METAP1D: variants seen among roughly 807,000 people sequenced by gnomAD.
The protein encoded by METAP1D is methionine aminopeptidase 1D, mitochondrial.
In METAP1D, 31 loss-of-function variants were observed where a neutral mutation model predicts 40.5. The ratio of observed to expected loss-of-function variants is 0.77; its 90% CI spans 0.58 to 1.03. METAP1D has a LOEUF of 1.03. Ranked by LOEUF, METAP1D falls within the 50% of genes least tolerant of loss-of-function variation. The probability of loss-of-function intolerance (pLI) is 0.00; values close to 1 mark genes in which losing one functional copy is unlikely to be tolerated. For missense variants in METAP1D, 411 were observed against 420.7 expected (o/e 0.98, Z 0.20); for synonymous variants, 151 against 146.4 (o/e 1.03, Z -0.22).
intron 1 of METAP1D, among the ~76,000 whole-genome samples, chr2:172,030,078 T>TTTATTTATTTATTTA (rs553826009): frequency 5.8e-4 from 87 of 149,970 alleles, no homozygotes; most frequent in Admixed American, 1.9e-3. Context: ...TTTTATTTTA[T>TTTATTTATTTATTTA]TTTATTTATT....
At position 172,082,269 on chromosome 2, in the gene METAP1D, T is replaced by G. The variant is rs142494000; in HGVS notation, c.*1863T>G. On this transcript the variant is annotated 3_prime_UTR_variant, in exon 10 of 10. Coordinates refer to ENST00000315796, the MANE Select transcript of METAP1D (RefSeq NM_199227.3). ...GCAACCATTAGCATTGTATCTTATC[T>G]GCAAATCAGTTTACTCCGAGGTTCC... 1 of 152,222 alleles carries G rather than the reference T, an allele frequency of 6.6e-6. No homozygotes were observed. The highest frequency in any genetic ancestry group is 1.5e-5 in the Non-Finnish European group (1 of 68,038). The allele number at this position is 152,222 out of a possible 1,614,324, so 9.4% of individuals were successfully genotyped here.
chr2:172,042,955 G>GTA lies in METAP1D; in HGVS notation c.41-18535_41-18534dup, dbSNP rs1221017611. ...TGTGTATACACGTATGCGTACCTGTGTATATATATGCGTACATGTGCATAC... is the reference window on the plus strand; with the variant it reads ...TGTGTATACACGTATGCGTACCTGTGTATATATATATGCGTACATGTGCATAC... On this transcript the variant is annotated intron_variant, in intron 1 of 9. Coordinates refer to ENST00000315796, the MANE Select transcript of METAP1D (RefSeq NM_199227.3). Among the ~76,000 whole-genome samples, 5 of 126,000 alleles carry GTA rather than the reference G, an allele frequency of 4.0e-5. 1 individual carries two copies. Among genetic ancestry groups the GTA allele is most frequent in the South Asian group, 2.5e-4 (1 of 3,978 alleles). 82.7% of individuals were successfully genotyped at this position (126,000 alleles called of 152,430 possible). A position where few individuals can be genotyped will look rare whatever the true frequency, so the allele number is the denominator to read the frequency against.
At position 172,081,476 on chromosome 2, in the gene METAP1D, TC is replaced by T. The variant is rs1357204899; in HGVS notation, c.*1072del. On this transcript the variant is annotated 3_prime_UTR_variant, in exon 10 of 10. Transcript: ENST00000315796. The stretch of plus-strand genomic sequence containing the variant: ...GTTGAGCTCCAGTTCGGCCGGCAGT[TC>T]CATCCCGCTTCAGGAACAGGAATCC... The T allele has an allele frequency of 6.6e-6, 1 of 152,248 alleles. No homozygotes were observed. The highest frequency in any genetic ancestry group is 2.4e-5 in the African/African-American group (1 of 41,444). 9.4% of individuals were successfully genotyped at this position (152,248 alleles called of 1,614,324 possible).
intron 1 of METAP1D, among the ~76,000 whole-genome samples, chr2:172,019,622 G>A (rs1283361266): frequency 1.3e-5 from 2 of 151,914 alleles, no homozygotes; most frequent in Non-Finnish European, 2.9e-5. Context: ...CTATATATAT[G>A]TATATAATCT....
At chr2:172,028,586 GTGTGTGTGT>G (rs1409729646) in intron 1 of METAP1D, among the ~76,000 whole-genome samples, 1 of 104,142 alleles carries the variant, frequency 9.6e-6, no homozygotes, top group African/African-American at 3.2e-5. Flanking sequence ...GTGTGTGTGT[GTGTGTGTGT>G]TTTCTTAGTG....
intron 1 of METAP1D, among the ~76,000 whole-genome samples, chr2:172,058,901 T>G (rs539121659): frequency 6.6e-6 from 1 of 152,296 alleles, no homozygotes; most frequent in East Asian, 1.9e-4. Flanking sequence ...GATCCAGAGT[T>G]TTGAAGCCAG....
rs1426106543 is a variant in METAP1D, at chr2:172,080,150, C to A, written c.873C>A (p.Ser291=). 1.2e-6 allele frequency: 2 copies of A among 1,614,150 alleles called. No individual in the cohort carries two copies. The highest frequency in any genetic ancestry group is 1.7e-6 in the Non-Finnish European group (2 of 1,180,000). The part of the protein sequence containing the change: ...FTIEPIITEG[S]PEFKVLEDAW... ...CAGAGCCAATCATCACGGAGGGATC[C>A]CCTGAATTTAAAGTCCTGGAGGATG... Residue 291 remains serine, a synonymous_variant, in exon 9 of 10, where the codon TCC becomes TCA. Coordinates refer to ENST00000315796, the MANE Select transcript of METAP1D (RefSeq NM_199227.3).
intron 1 of METAP1D, among the ~76,000 whole-genome samples, chr2:172,040,860 C>T (rs2105433849): frequency 6.7e-6 from 1 of 149,194 alleles, no homozygotes; most frequent in Middle Eastern, 3.5e-3. Flanking sequence ...AATTTTCCTG[C>T]CTCAGCCTCC....
chr2:172,024,836 G>T (rs1689091044), intron 1 of METAP1D, among the ~76,000 whole-genome samples: 1 of 151,690 alleles, frequency 6.6e-6, no homozygotes. Context: ...GGTAGAATTT[G>T]AGCCAAACTT....
intron 1 of METAP1D, among the ~76,000 whole-genome samples, chr2:172,057,380 T>G (rs1690026469): frequency 6.6e-6 from 1 of 152,194 alleles, no homozygotes; most frequent in Non-Finnish European, 1.5e-5. Flanking sequence ...TTGTATGTGG[T>G]CCTGCCTAGC....
At chr2:172,013,411 G>A (rs1688776435) in intron 1 of METAP1D, among the ~76,000 whole-genome samples, 1 of 152,186 alleles carries the variant, frequency 6.6e-6, no homozygotes, top group Non-Finnish European at 1.5e-5. Flanking sequence ...AGGACCGGGG[G>A]CAGGAGTTAT....
At chr2:172,070,863 A>C in intron 5 of METAP1D, 44 bp from the exon 6 acceptor site, 1 of 1,518,158 alleles carries the variant, frequency 6.6e-7, no homozygotes, top group Non-Finnish European at 8.9e-7. Context: ...AGGAAAGTAG[A>C]TTTTTAAACA....
At chr2:172,014,758 T>A (rs1022002741) in intron 1 of METAP1D, among the ~76,000 whole-genome samples, 11 of 152,118 alleles carry the variant, frequency 7.2e-5, no homozygotes, top group African/African-American at 2.7e-4. Flanking sequence ...GTTCAAGAAA[T>A]TCTCCTGCCT....
At chr2:172,025,984 G>A (rs1282633500) in intron 1 of METAP1D, among the ~76,000 whole-genome samples, 1 of 152,086 alleles carries the variant, frequency 6.6e-6, no homozygotes, top group African/African-American at 2.4e-5. Flanking sequence ...GATATATGAT[G>A]GTTAAACCTT....
At chr2:172,067,312 T>A in intron 5 of METAP1D, among the ~76,000 whole-genome samples, 1 of 152,194 alleles carries the variant, frequency 6.6e-6, no homozygotes, top group East Asian at 1.9e-4. Context: ...GGAGTGGGAA[T>A]GAGATAAAAA....
At chr2:172,015,240 C>T (rs1345526653) in intron 1 of METAP1D, among the ~76,000 whole-genome samples, 1 of 152,026 alleles carries the variant, frequency 6.6e-6, no homozygotes, top group Non-Finnish European at 1.5e-5. Context: ...GGCGAAACCT[C>T]GTCTCTGCTA....
intron 1 of METAP1D, among the ~76,000 whole-genome samples, chr2:172,054,396 G>A (rs1456152848): frequency 2.0e-5 from 3 of 152,078 alleles, no homozygotes; most frequent in African/African-American, 4.8e-5. Flanking sequence ...GTGGGTGCCT[G>A]TAATCCCAGC....
intron 1 of METAP1D, among the ~76,000 whole-genome samples, chr2:172,036,682 A>G (rs1051085937): frequency 9.9e-5 from 15 of 151,786 alleles, no homozygotes; most frequent in South Asian, 8.4e-4. Context: ...ACCTTTTTCT[A>G]TTACAAACAG....
intron 1 of METAP1D, among the ~76,000 whole-genome samples, chr2:172,049,941 T>C (rs1689851868): frequency 6.6e-6 from 1 of 152,228 alleles, no homozygotes; most frequent in Non-Finnish European, 1.5e-5. Context: ...AAGATTGATA[T>C]TCAAATGTTT....
Sources: gnomAD v4.1 joint callset for allele counts (sites outside exome capture counted in the v4.1 genomes callset) on GRCh38, gnomAD v4.1.1 for gene constraint, MANE v1.5 for transcripts, NCBI Gene and HGNC (gene_info 2026-07-23, HGNC 2026-07-21) for gene names.